The following LYPD1 variants were observed in gnomAD, a reference collection of about 807,000 sequenced individuals.
LYPD1 encodes ly6/PLAUR domain-containing protein 1.
LYPD1 carries 14 observed loss-of-function variants against 14.2 expected under a neutral mutation model. The observed-to-expected ratio is 0.99, with a 90% CI of 0.65 to 1.54. The LOEUF (loss-of-function observed/expected upper bound fraction) is 1.54, where lower values mean the gene tolerates loss of function less well. LYPD1 is among the 40% of genes most tolerant of loss of function. The probability of loss-of-function intolerance (pLI) is 0.00; values close to 1 mark genes in which losing one functional copy is unlikely to be tolerated. For missense variants in LYPD1, 165 were observed against 175.7 expected, an observed-to-expected ratio of 0.94 and a Z score of 0.34; for synonymous variants, 85 against 70.6, an observed-to-expected ratio of 1.20 and a Z score of -1.02.
intron 2 of LYPD1, 61 bp downstream of exon 2, chr2:132,668,339 C>T (rs2709533): frequency 0.56 from 850,123 of 1,508,710 alleles, 241,945 homozygotes; most frequent in East Asian, 0.63. Flanking sequence ...TTTAATGGCC[C>T]CCTCACTCCC....
intron 2 of LYPD1, among the ~76,000 whole-genome samples, chr2:132,656,320 T>A (rs1208514544): frequency 6.6e-6 from 1 of 152,224 alleles, no homozygotes; most frequent in Non-Finnish European, 1.5e-5. Flanking sequence ...AATGCCTGTT[T>A]GGGAGTGAGA....
At chr2:132,648,268 T>TA (rs1268788206) in intron 2 of LYPD1, among the ~76,000 whole-genome samples, 3 of 146,440 alleles carry the variant, frequency 2.0e-5, no homozygotes, top group Non-Finnish European at 3.1e-5. Flanking sequence ...TTTAAACTTT[T>TA]AAAAAAATAT....
At chr2:132,667,909 T>C (rs996053035) in intron 2 of LYPD1, among the ~76,000 whole-genome samples, 3 of 152,232 alleles carry the variant, frequency 2.0e-5, no homozygotes, top group African/African-American at 7.2e-5. Context: ...TGCCTGGAAG[T>C]TGATGCATTA....
chr2:132,671,127 C>CT (rs1001893799), upstream of LYPD1: 1 of 152,500 alleles, frequency 6.6e-6, no homozygotes, highest in African/African-American at 2.4e-5. Flanking sequence ...CCTCTGGCTG[C>CT]TCCCCACACC....
chr2:132,668,587 C>G (rs780011121), intron 1 of LYPD1, 50 bp from the exon 2 acceptor site: 7 of 1,596,780 alleles, frequency 4.4e-6, no homozygotes, highest in Non-Finnish European at 6.0e-6. Context: ...CAGAGCCCAC[C>G]CCGGAAATCA....
chr2:132,650,871 G>A (rs1300738099), intron 2 of LYPD1, among the ~76,000 whole-genome samples: 1 of 152,136 alleles, frequency 6.6e-6, no homozygotes, highest in Non-Finnish European at 1.5e-5. Flanking sequence ...GGAAACTGAG[G>A]CAAAAATAGG....
In LYPD1 at chr2:132,668,547, A is replaced by G; in HGVS notation, c.53-10T>C. The G allele has an allele frequency of 6.2e-7, 1 of 1,611,222 alleles. No individual in the cohort carries two copies. Among genetic ancestry groups the G allele is most frequent in the African/African-American group, 1.3e-5 (1 of 74,990 alleles). ...ATTTGCAGCGCAAAGCCTGCGAGACAGACGCAGTCGGGTTCAGATCCGGCC... is the reference window on the plus strand; with the variant it reads ...ATTTGCAGCGCAAAGCCTGCGAGACGGACGCAGTCGGGTTCAGATCCGGCC... On this transcript the variant is annotated splice_polypyrimidine_tract_variant and intron_variant, in intron 1 of 2. Coordinates refer to ENST00000397463, the MANE Select transcript of LYPD1 (RefSeq NM_144586.7).
At chr2:132,652,097 G>C (rs4954352) in intron 2 of LYPD1, among the ~76,000 whole-genome samples, 60,958 of 152,068 alleles carry the variant, frequency 0.4, 14,200 homozygotes, top group South Asian at 0.57. Flanking sequence ...TCATGACCAA[G>C]AACAGAGGGG....
chr2:132,654,031 GA>G (rs1682453888), intron 2 of LYPD1, among the ~76,000 whole-genome samples: 1 of 152,126 alleles, frequency 6.6e-6, no homozygotes, highest in African/African-American at 2.4e-5. Flanking sequence ...TCTTGGAACA[GA>G]AAAAGGCAAA....
chr2:132,646,002 G>A lies in LYPD1; in HGVS notation c.*43C>T. On this transcript the variant is annotated 3_prime_UTR_variant, in exon 3 of 3. Transcript: ENST00000397463. The stretch of plus-strand genomic sequence containing the variant: ...AGGGAGGTGGGGGGTTGGGGGCGAG[G>A]GCTGGAAGAACAATGCAGGAGGGGG... 1 of 1,435,066 alleles carries A rather than the reference G, an allele frequency of 7.0e-7. No individual in the cohort carries two copies. The highest frequency in any genetic ancestry group is 9.4e-7 in the Non-Finnish European group (1 of 1,068,436). The allele number at this position is 1,435,066 out of a possible 1,614,324, so 88.9% of individuals were successfully genotyped here.
chr2:132,651,770 G>A (rs1682369685), intron 2 of LYPD1, among the ~76,000 whole-genome samples: 1 of 152,210 alleles, frequency 6.6e-6, no homozygotes, highest in Non-Finnish European at 1.5e-5. Flanking sequence ...ACGTGCTCCA[G>A]TGGTGTGTCT....
chr2:132,655,471 G>A (rs572429303), intron 2 of LYPD1, among the ~76,000 whole-genome samples: 1 of 147,514 alleles, frequency 6.8e-6, no homozygotes, highest in African/African-American at 2.5e-5. Context: ...CAGTGTCCTA[G>A]AACTTAATTC....
At chr2:132,659,946 C>A (rs999302596) in intron 2 of LYPD1, among the ~76,000 whole-genome samples, 16 of 152,256 alleles carry the variant, frequency 1.1e-4, no homozygotes, top group African/African-American at 3.9e-4. Context: ...TCACTTAATA[C>A]ACCTGCTTCT....
rs58347009 is a variant in LYPD1, at chr2:132,646,095, G to A, written c.376C>T (p.Arg126Cys). 1,273 of 1,604,654 alleles carry A rather than the reference G, an allele frequency of 7.9e-4. 5 individuals are homozygous for A. In the African/African-American group the frequency reaches 0.014, roughly 18 times the overall value. ...SSASALRPGLRTTILFLKLAL... is the reference protein window; with the variant it reads ...SSASALRPGLCTTILFLKLAL... ...AATTTGAGGAACAGGATGGTGGTGC[G>A]GAGCCCTGGCCTGAGGGCCGAGGCA... The change falls in exon 3 of 3, where the codon CGC becomes TGC. Residue 126 changes from arginine to cysteine, a missense_variant. Coordinates refer to ENST00000397463, the MANE Select transcript of LYPD1 (RefSeq NM_144586.7).
chr2:132,659,065 T>G (rs1184310842), intron 2 of LYPD1, among the ~76,000 whole-genome samples: 1 of 152,214 alleles, frequency 6.6e-6, no homozygotes, highest in African/African-American at 2.4e-5. Context: ...GGATTACATT[T>G]CAGAGTGGTT....
At chr2:132,660,048 G>A (rs567922529) in intron 2 of LYPD1, among the ~76,000 whole-genome samples, 2 of 152,316 alleles carry the variant, frequency 1.3e-5, no homozygotes, top group East Asian at 3.9e-4. Context: ...ATGGACCACT[G>A]CAGGCTGAGA....
upstream of LYPD1, chr2:132,670,283 T>G: frequency 3.2e-6 from 1 of 307,878 alleles, no homozygotes; most frequent in Non-Finnish European, 5.7e-6. The surrounding 1 kb of genome is among the most constrained non-coding windows in gnomAD (Gnocchi z 4.5). Context: ...ACGTGACGGC[T>G]GCCGAGTTGG....
Position 132,644,879 on chromosome 2 carries a change from T to G in LYPD1, c.*1166A>C, listed in dbSNP as rs1263621690. The G allele has an allele frequency of 6.9e-6, 4 of 577,764 alleles. No homozygotes were observed. In the Admixed American group the frequency reaches 1.0e-4, roughly 14 times the overall value. The allele number at this position is 577,764 out of a possible 1,614,324, so 35.8% of individuals were successfully genotyped here. ...CACTGTCTAAAGCATTTAATGGTCTTTCTTTAACACAGCCAACTCCCCCGG... is the reference window on the plus strand; with the variant it reads ...CACTGTCTAAAGCATTTAATGGTCTGTCTTTAACACAGCCAACTCCCCCGG... On this transcript the variant is annotated 3_prime_UTR_variant, in exon 3 of 3. Transcript: ENST00000397463.
chr2:132,649,978 C>A (rs1411261570), intron 2 of LYPD1, among the ~76,000 whole-genome samples: 1 of 152,048 alleles, frequency 6.6e-6, no homozygotes, highest in Non-Finnish European at 1.5e-5. Context: ...CACACACCCA[C>A]AAACTCTGCC....
Sources: gnomAD v4.1 joint callset for allele counts (sites outside exome capture counted in the v4.1 genomes callset) on GRCh38, gnomAD v4.1.1 for gene constraint, Gnocchi (gnomAD v3.1) non-coding constraint, MANE v1.5 for transcripts, NCBI Gene and HGNC (gene_info 2026-07-23, HGNC 2026-07-21) for gene names.